Variants in AFG2A observed in about 807,000 individuals in gnomAD.
The protein encoded by AFG2A is AAA ATPase AFG2A, also known as ATPase family gene 2 protein homolog A.
chr4:122,943,102 G>A, the AFG2A span, among the ~76,000 whole-genome samples: 2 of 152,198 alleles, frequency 1.3e-5, no homozygotes, highest in Non-Finnish European at 2.9e-5. Context: ...TGAAAAGAAT[G>A]TATATTCTGT....
the AFG2A span, among the ~76,000 whole-genome samples, chr4:122,976,988 T>G: frequency 2.6e-5 from 4 of 152,202 alleles, no homozygotes; most frequent in Non-Finnish European, 5.9e-5. Flanking sequence ...CAAAACTAAG[T>G]GCTTGGATTT....
the AFG2A span, chr4:122,923,393 A>G: frequency 6.4e-7 from 1 of 1,551,458 alleles, no homozygotes; most frequent in South Asian, 1.2e-5. Flanking sequence ...GGGTGCAGAG[A>G]CTTTTGAAAG....
the AFG2A span, among the ~76,000 whole-genome samples, chr4:123,233,874 A>C: frequency 1.3e-5 from 2 of 152,060 alleles, no homozygotes; most frequent in Non-Finnish European, 2.9e-5. Context: ...CATCTTACTC[A>C]ACAATTCAAG....
At chr4:122,977,414 G>A in the AFG2A span, among the ~76,000 whole-genome samples, 44 of 152,344 alleles carry the variant, frequency 2.9e-4, no homozygotes, top group South Asian at 1.2e-3. Context: ...CACAGGCACC[G>A]GCTCTGTGTG....
the AFG2A span, among the ~76,000 whole-genome samples, chr4:122,940,630 A>G: frequency 6.6e-6 from 1 of 152,092 alleles, no homozygotes; most frequent in Admixed American, 6.5e-5. Flanking sequence ...GAAGCTCCTT[A>G]GTTTAATTAG....
At chr4:123,074,376 A>AC in the AFG2A span, among the ~76,000 whole-genome samples, 1 of 149,634 alleles carries the variant, frequency 6.7e-6, no homozygotes, top group African/African-American at 2.5e-5. Flanking sequence ...GGGACTCTAT[A>AC]CTTTTTTTTT....
the AFG2A span, among the ~76,000 whole-genome samples, chr4:123,267,411 G>A: frequency 6.6e-6 from 1 of 152,108 alleles, no homozygotes; most frequent in East Asian, 1.9e-4. Context: ...TTATAGCAAA[G>A]TTTCCCTGTT....
the AFG2A span, among the ~76,000 whole-genome samples, chr4:123,262,266 GTTT>G: frequency 6.6e-6 from 1 of 152,168 alleles, no homozygotes; most frequent in African/African-American, 2.4e-5. Context: ...AAAAATGTCA[GTTT>G]TAACATTTGC....
chr4:123,155,911 A>G, the AFG2A span, among the ~76,000 whole-genome samples: 1 of 152,132 alleles, frequency 6.6e-6, no homozygotes, highest in Non-Finnish European at 1.5e-5. Context: ...TGGTACCTGT[A>G]TTAGTCCGTT....
the AFG2A span, among the ~76,000 whole-genome samples, chr4:122,944,707 G>T: frequency 6.6e-6 from 1 of 152,116 alleles, no homozygotes; most frequent in Admixed American, 6.5e-5. Context: ...AAGAGGAGAG[G>T]CACTCTGCTT....
chr4:123,254,990 G>C, the AFG2A span, among the ~76,000 whole-genome samples: 2 of 151,812 alleles, frequency 1.3e-5, no homozygotes, highest in Non-Finnish European at 2.9e-5. Context: ...TTTAAATGGA[G>C]TCTTATTCTG....
chr4:123,114,150 C>G, the AFG2A span, among the ~76,000 whole-genome samples: 248 of 152,222 alleles, frequency 1.6e-3, 1 homozygote, highest in Non-Finnish European at 3.1e-3. Context: ...TGGCTCTGCT[C>G]TGCTCTGGCT....
the AFG2A span, among the ~76,000 whole-genome samples, chr4:123,103,298 G>A: frequency 2.0e-5 from 3 of 152,042 alleles, no homozygotes; most frequent in African/African-American, 4.8e-5. Context: ...TGAGGACTGG[G>A]GAGCGGAGAG....
At chr4:123,018,664 C>T in the AFG2A span, among the ~76,000 whole-genome samples, 13 of 151,694 alleles carry the variant, frequency 8.6e-5, no homozygotes, top group East Asian at 5.8e-4. Context: ...GACAGAGTCT[C>T]GCTGTGTCAC....
chr4:123,189,126 G>T, the AFG2A span, among the ~76,000 whole-genome samples: 1 of 152,166 alleles, frequency 6.6e-6, no homozygotes, highest in Non-Finnish European at 1.5e-5. Context: ...TATCTCGCAG[G>T]TTCATTATAA....
chr4:123,081,097 A>G, the AFG2A span, among the ~76,000 whole-genome samples: 5 of 152,154 alleles, frequency 3.3e-5, no homozygotes, highest in Admixed American at 6.5e-5. Flanking sequence ...TAAACCTACA[A>G]TGACACATAA....
chr4:123,117,922 A>G, the AFG2A span, among the ~76,000 whole-genome samples: 1 of 152,144 alleles, frequency 6.6e-6, no homozygotes, highest in Admixed American at 6.5e-5. Flanking sequence ...AAATTCAGAC[A>G]AGAAATTAGA....
the AFG2A span, among the ~76,000 whole-genome samples, chr4:123,133,031 A>G: frequency 6.6e-6 from 1 of 152,124 alleles, no homozygotes; most frequent in South Asian, 2.1e-4. Flanking sequence ...CCGCCCGCCT[A>G]GGCCTCCCAA....
At chr4:122,923,138 T>C in the AFG2A span, 1 of 1,614,196 alleles carries the variant, frequency 6.2e-7, no homozygotes, top group Non-Finnish European at 8.5e-7. Context: ...GGGTACCTTG[T>C]GACCATGTCT....
Sources: allele counts gnomAD v4.1 joint callset (sites outside exome capture counted in the v4.1 genomes callset), GRCh38; gene constraint gnomAD v4.1.1; transcripts MANE v1.5; gene names NCBI Gene and HGNC (gene_info 2026-07-23, HGNC 2026-07-21).